The following VEGFC variants were observed in gnomAD, a reference collection of about 807,000 sequenced individuals.
The protein encoded by VEGFC is FLT4 ligand DHM.
Under a neutral mutation model 46.1 loss-of-function variants are expected in VEGFC, and 12 were observed. That is an observed-to-expected ratio of 0.26 (90% confidence interval 0.17 to 0.42). The LOEUF is 0.42. Ranked by LOEUF, VEGFC falls within the 10% of genes least tolerant of loss-of-function variation. The probability of loss-of-function intolerance (pLI) is 1.00; values close to 1 mark genes in which losing one functional copy is unlikely to be tolerated. For synonymous variants in VEGFC, 232 were observed against 195.5 expected (o/e 1.19, Z -1.56); for missense variants, 488 against 529.4 (o/e 0.92, Z 0.77).
intron 1 of VEGFC, among the ~76,000 whole-genome samples, chr4:176,759,305 G>T (rs1380280009): frequency 6.6e-6 from 1 of 151,668 alleles, no homozygotes; most frequent in East Asian, 1.9e-4. Flanking sequence ...AAGGAAATCC[G>T]GCCATTTGCA....
At chr4:176,693,836 GA>G (rs1313554381) in intron 4 of VEGFC, among the ~76,000 whole-genome samples, 3 of 148,304 alleles carry the variant, frequency 2.0e-5, no homozygotes, top group Non-Finnish European at 4.4e-5. Flanking sequence ...CATTCTTAAA[GA>G]AAAGAATTTT....
At chr4:176,702,140 C>A (rs1304883949) in intron 4 of VEGFC, among the ~76,000 whole-genome samples, 1 of 152,096 alleles carries the variant, frequency 6.6e-6, no homozygotes, top group African/African-American at 2.4e-5. Flanking sequence ...TATAAATCTA[C>A]TTACTCTATT....
intron 1 of VEGFC, among the ~76,000 whole-genome samples, chr4:176,790,690 C>T (rs914700751): frequency 2.6e-5 from 4 of 152,292 alleles, no homozygotes; most frequent in African/African-American, 9.6e-5. Context: ...GTAACCAATA[C>T]AGAGATGTTG....
chr4:176,715,996 C>T (rs1734692326), intron 3 of VEGFC, among the ~76,000 whole-genome samples: 1 of 152,050 alleles, frequency 6.6e-6, no homozygotes, highest in Non-Finnish European at 1.5e-5. Context: ...CCCAAGCCTC[C>T]ATTTCATTAC....
At chr4:176,686,089 G>A (rs1390581315) in intron 6 of VEGFC, among the ~76,000 whole-genome samples, 1 of 152,154 alleles carries the variant, frequency 6.6e-6, no homozygotes, top group African/African-American at 2.4e-5. Context: ...AGAATCCAGT[G>A]AAAGTGATTA....
chr4:176,789,078 G>A (rs912505244), intron 1 of VEGFC, among the ~76,000 whole-genome samples: 8 of 152,156 alleles, frequency 5.3e-5, no homozygotes, highest in Admixed American at 3.9e-4. Context: ...AGGGATTCGG[G>A]AAACCTTCAT....
intron 3 of VEGFC, among the ~76,000 whole-genome samples, chr4:176,722,883 T>C (rs1432287460): frequency 6.6e-6 from 1 of 152,156 alleles, no homozygotes; most frequent in East Asian, 1.9e-4. Flanking sequence ...CATACACACC[T>C]ACCCTTGAAT....
Position 176,792,536 on chromosome 4 carries a change from G to A in VEGFC, c.-225C>T, listed in dbSNP as rs1264085921. 1.3e-5 allele frequency: 5 copies of A among 395,768 alleles called. No individual in the cohort carries two copies. The highest frequency in any genetic ancestry group is 1.0e-4 in the African/African-American group (5 of 47,730). The allele number at this position is 395,768 out of a possible 1,614,324, so 24.5% of individuals were successfully genotyped here. ...TGCCGGGGAAAGGCGGCGGGTGTCA[G>A]GTAAAAGCCTCACAGGAAACCGGAC... is the stretch of plus-strand genomic sequence containing the variant. On this transcript the variant is annotated 5_prime_UTR_variant, in exon 1 of 7. Transcript: ENST00000618562. This position sits in a 1 kb window ranked among gnomAD's most constrained non-coding sequence, Gnocchi z 6.3.
chr4:176,791,237 G>A (rs966267133), intron 1 of VEGFC, among the ~76,000 whole-genome samples: 2 of 152,268 alleles, frequency 1.3e-5, no homozygotes, highest in South Asian at 2.1e-4. Context: ...AAGGGGTACT[G>A]CAAGTGTTTG....
intron 1 of VEGFC, among the ~76,000 whole-genome samples, chr4:176,781,468 T>C (rs1735913375): frequency 6.6e-6 from 1 of 152,162 alleles, no homozygotes; most frequent in South Asian, 2.1e-4. Context: ...GCAATGATAT[T>C]ATAGTAAATT....
chr4:176,788,006 C>T (rs1383372959), intron 1 of VEGFC, among the ~76,000 whole-genome samples: 2 of 152,176 alleles, frequency 1.3e-5, no homozygotes, highest in Non-Finnish European at 2.9e-5. Context: ...AATAATGTAA[C>T]TGGTGAAAGG....
rs1261458851 is a variant in VEGFC, at chr4:176,751,875, T to A, written c.148-22129A>T. On this transcript the variant is annotated intron_variant, in intron 1 of 6. Coordinates refer to ENST00000618562, the MANE Select transcript of VEGFC (RefSeq NM_005429.5). ...TTTCTCATAACAATATCTGGAAACA[T>A]AAGGCAAAATGAAAGAATTTGATAG... Among the ~76,000 whole-genome samples the A allele has an allele frequency of 2.0e-5, 3 of 151,764 alleles. No homozygotes were observed. In the South Asian group the frequency reaches 6.2e-4, roughly 31 times the overall value.
intron 1 of VEGFC, among the ~76,000 whole-genome samples, chr4:176,769,241 TA>T (rs755512574): frequency 5.3e-5 from 8 of 152,172 alleles, no homozygotes; most frequent in Non-Finnish European, 1.2e-4. Context: ...CTGTTCTTTA[TA>T]AATTATCCAG....
In VEGFC at chr4:176,687,892, T is replaced by C. The variant is rs1029354907; in HGVS notation, c.740A>G (p.Tyr247Cys). The C allele has an allele frequency of 6.2e-7, 1 of 1,613,642 alleles. No individual in the cohort carries two copies. The change falls in exon 5 of 7, where the codon TAC (tyrosine) becomes TGC (cysteine). Residue 247 changes from tyrosine to cysteine, a missense_variant. Transcript: ENST00000618562. ...TCTGCAGATGTGATTATTCCACATG[T>C]AATTGGTGGGGCAGGTCTTGTTCGC... Reference protein sequence around the residue: ...QAANKTCPTNYMWNNHICRCL... With the variant: ...QAANKTCPTNCMWNNHICRCL...
intron 1 of VEGFC, among the ~76,000 whole-genome samples, chr4:176,764,756 TACCA>T (rs1735587385): frequency 1.3e-5 from 2 of 152,170 alleles, no homozygotes. Context: ...TTTGGCTGAT[TACCA>T]GAGGATACAC....
At chr4:176,729,003 A>G (rs1337176069) in intron 2 of VEGFC, among the ~76,000 whole-genome samples, 1 of 152,054 alleles carries the variant, frequency 6.6e-6, no homozygotes, top group African/African-American at 2.4e-5. Flanking sequence ...GCCCAGTCAT[A>G]CCCCACCAAT....
intron 4 of VEGFC, among the ~76,000 whole-genome samples, chr4:176,704,200 C>G (rs1255896707): frequency 6.6e-6 from 1 of 152,132 alleles, no homozygotes; most frequent in Non-Finnish European, 1.5e-5. Flanking sequence ...GTACAGATTA[C>G]TGTTTCTCCA....
chr4:176,770,686 T>C (rs996431947), intron 1 of VEGFC, among the ~76,000 whole-genome samples: 8 of 152,182 alleles, frequency 5.3e-5, no homozygotes, highest in African/African-American at 1.9e-4. Flanking sequence ...GAAAAATAGC[T>C]GAGCTCCTAT....
intron 4 of VEGFC, among the ~76,000 whole-genome samples, chr4:176,700,096 G>A (rs1476382932): frequency 6.6e-6 from 1 of 152,150 alleles, no homozygotes; most frequent in Non-Finnish European, 1.5e-5. Context: ...TGTTTGAAAG[G>A]CTAATACAAT....
Sources: allele counts gnomAD v4.1 joint callset (sites outside exome capture counted in the v4.1 genomes callset), GRCh38; gene constraint gnomAD v4.1.1; non-coding constraint Gnocchi (gnomAD v3.1); transcripts MANE v1.5; gene names NCBI Gene and HGNC (gene_info 2026-07-23, HGNC 2026-07-21).